C11orf65: variants seen among roughly 807,000 people sequenced by gnomAD.
C11orf65 encodes protein MFI.
A neutral mutation model predicts 35.3 loss-of-function variants in C11orf65; 38 were observed. The observed-to-expected ratio is 1.08, with a 90% CI of 0.83 to 1.41. C11orf65 has a LOEUF of 1.41. Ranked by LOEUF, C11orf65 falls within the 40% of genes most tolerant of loss-of-function variation. The pLI, the probability that C11orf65 is intolerant of heterozygous loss-of-function variation, is 0.00. For missense variants in C11orf65, 370 were observed against 367.1 expected (o/e 1.01, Z -0.06); for synonymous variants, 105 against 114.4 (o/e 0.92, Z 0.53).
intron 2 of C11orf65, among the ~76,000 whole-genome samples, chr11:108,348,793 CCTGT>C (rs1204481504): frequency 3.3e-5 from 5 of 151,126 alleles, no homozygotes; most frequent in Admixed American, 1.3e-4. Context: ...AGAAGAAAAC[CCTGT>C]CTTTTTATTA....
intron 2 of C11orf65, among the ~76,000 whole-genome samples, chr11:108,457,415 G>A (rs928632871): frequency 1.3e-5 from 2 of 152,096 alleles, no homozygotes; most frequent in African/African-American, 2.4e-5. Flanking sequence ...AGGGAGAGGT[G>A]GGTGGATCAC....
At position 108,395,620 on chromosome 11, in the gene C11orf65, A is replaced by ATTT. The variant is rs536560810; in HGVS notation, c.561-2245_561-2243dup. ...GCGTGAGCCACTGCGCCCAGCCCAAATTTTTTTTTTTTTTTTTTGAGATGG... is the reference window on the plus strand; with the variant it reads ...GCGTGAGCCACTGCGCCCAGCCCAAATTTTTTTTTTTTTTTTTTTTTGAGATGG... On this transcript the variant is annotated intron_variant, in intron 6 of 8. Transcript: ENST00000393084. Among the ~76,000 whole-genome samples, 494 of 123,384 alleles carry ATTT rather than the reference A, an allele frequency of 4.0e-3. 2 individuals carry two copies. Among genetic ancestry groups the ATTT allele is most frequent in the East Asian group, 8.0e-3 (35 of 4,390 alleles). The allele number at this position is 123,384 out of a possible 152,430, so 80.9% of individuals were successfully genotyped here. A position where few individuals can be genotyped will look rare whatever the true frequency, so the allele number is the denominator to read the frequency against.
intron 1 of C11orf65, among the ~76,000 whole-genome samples, chr11:108,463,322 C>T (rs1037182650): frequency 1.3e-5 from 2 of 152,166 alleles, no homozygotes; most frequent in Non-Finnish European, 2.9e-5. Flanking sequence ...TATTTCTCAA[C>T]TTGCCATTTT....
intron 3 of C11orf65, among the ~76,000 whole-genome samples, chr11:108,410,685 T>C (rs1487482263): frequency 6.6e-6 from 1 of 150,630 alleles, no homozygotes; most frequent in Non-Finnish European, 1.5e-5. Context: ...ATTTCTGATT[T>C]TATCTTCACT....
rs759878732 is a variant in C11orf65, at chr11:108,326,174, C to A, written c.641-17103G>T. ...GGGCAAAAAAGGAGCAGAGTCTTGC[C>A]CTGAGTATTCTCAAGCAAATGATCA... On this transcript the variant is annotated intron_variant, in intron 6 of 6. Transcript: ENST00000525729. 6.2e-7 allele frequency: 1 copy of A among 1,613,928 alleles called. No individual in the cohort carries two copies. The highest frequency in any genetic ancestry group is 8.5e-7 in the Non-Finnish European group (1 of 1,179,988).
chr11:108,343,127 A>G (rs1480121728), intron 2 of C11orf65: 7 of 1,515,046 alleles, frequency 4.6e-6, no homozygotes, highest in Non-Finnish European at 5.5e-6. Flanking sequence ...ACAACTTGAA[A>G]AAAAATGCTT....
chr11:108,374,306 C>G, intron 2 of C11orf65, among the ~76,000 whole-genome samples: 1 of 152,220 alleles, frequency 6.6e-6, no homozygotes, highest in East Asian at 1.9e-4. Flanking sequence ...GAGGAACGAT[C>G]AGACAGCAGC....
At chr11:108,412,768 G>A (rs2092679816) in intron 3 of C11orf65, among the ~76,000 whole-genome samples, 1 of 151,900 alleles carries the variant, frequency 6.6e-6, no homozygotes, top group Non-Finnish European at 1.5e-5. Context: ...GAAGAAGAAA[G>A]ATATATGATA....
chr11:108,312,461 G>A lies in C11orf65; in HGVS notation c.641-3390C>T. ...CAGAGTACAACTATTTCTAGCTTGA[G>A]TGAAAAAAGTAAAGAAGAAACTGGA... On this transcript the variant is annotated intron_variant, in intron 6 of 6. Coordinates refer to the C11orf65 transcript ENST00000525729. 1.3e-6 allele frequency: 2 copies of A among 1,594,780 alleles called. No individual in the cohort carries two copies. The highest frequency in any genetic ancestry group is 1.7e-6 in the Non-Finnish European group (2 of 1,162,880).
chr11:108,388,998 C>T (rs1442683426), intron 7 of C11orf65, among the ~76,000 whole-genome samples: 1 of 152,242 alleles, frequency 6.6e-6, no homozygotes, highest in Non-Finnish European at 1.5e-5. Context: ...AGGAGAGCAT[C>T]GGTCTGTCAT....
At chr11:108,386,052 T>C in intron 7 of C11orf65, 77 bp from the exon 8 acceptor site, 1 of 1,228,260 alleles carries the variant, frequency 8.1e-7, no homozygotes, top group Non-Finnish European at 1.2e-6. Context: ...AAAATTCCAC[T>C]TTTCAGAAAT....
chr11:108,426,180 T>C (rs2092899866), intron 3 of C11orf65, among the ~76,000 whole-genome samples: 1 of 152,140 alleles, frequency 6.6e-6, no homozygotes. Flanking sequence ...ATAAAGAGTA[T>C]TCAAATAGAA....
intron 3 of C11orf65, among the ~76,000 whole-genome samples, chr11:108,415,897 G>A (rs539765776): frequency 6.6e-6 from 1 of 152,150 alleles, no homozygotes; most frequent in South Asian, 2.1e-4. Flanking sequence ...AACACCATTT[G>A]GACATTGCGG....
At chr11:108,418,172 A>G (rs1222902285) in intron 3 of C11orf65, among the ~76,000 whole-genome samples, 3 of 152,184 alleles carry the variant, frequency 2.0e-5, no homozygotes, top group African/African-American at 7.2e-5. Flanking sequence ...TTTAATACAT[A>G]TCTCTCAGTA....
chr11:108,447,278 C>A (rs980309025), intron 2 of C11orf65, among the ~76,000 whole-genome samples: 3 of 152,040 alleles, frequency 2.0e-5, no homozygotes, highest in African/African-American at 7.3e-5. Flanking sequence ...CTGCACCAAG[C>A]GGACCTAATA....
chr11:108,316,592 C>T (rs777077400), intron 6 of C11orf65, among the ~76,000 whole-genome samples: 1 of 151,850 alleles, frequency 6.6e-6, no homozygotes, highest in Non-Finnish European at 1.5e-5. Flanking sequence ...TTTTGGGAAA[C>T]ATTAAACGAT....
intron 3 of C11orf65, among the ~76,000 whole-genome samples, chr11:108,334,805 C>A (rs368704055): frequency 1.4e-4 from 21 of 152,246 alleles, no homozygotes; most frequent in South Asian, 6.2e-4. Context: ...GTTAAAGTTA[C>A]GAGCGTGAGC....
intron 2 of C11orf65, among the ~76,000 whole-genome samples, chr11:108,443,974 C>A (rs181433887): frequency 2.0e-5 from 3 of 151,858 alleles, no homozygotes; most frequent in Non-Finnish European, 2.9e-5. Flanking sequence ...AAGTTCAGAG[C>A]GGAACTGAAA....
intron 3 of C11orf65, among the ~76,000 whole-genome samples, chr11:108,430,708 G>A (rs140495101): frequency 5.3e-5 from 8 of 151,948 alleles, no homozygotes; most frequent in Non-Finnish European, 7.4e-5. Context: ...AGCTGGACGC[G>A]GTGGCATGCG....
Sources: gnomAD v4.1 joint callset for allele counts (sites outside exome capture counted in the v4.1 genomes callset) on GRCh38, gnomAD v4.1.1 for gene constraint, MANE v1.5 for transcripts, NCBI Gene and HGNC (gene_info 2026-07-23, HGNC 2026-07-21) for gene names.